Variants in JAKMIP2 observed in about 807,000 individuals in gnomAD.
JAKMIP2 encodes the protein janus kinase and microtubule interacting protein 2.
Under a neutral mutation model 115.0 loss-of-function variants are expected in JAKMIP2, and 25 were observed. The ratio of observed to expected loss-of-function variants is 0.22; its 90% CI spans 0.16 to 0.30. JAKMIP2 has a LOEUF of 0.30. JAKMIP2 is among the 10% of genes least tolerant of loss of function. JAKMIP2 has a pLI of 1.00. For missense variants in JAKMIP2, 642 were observed against 957.6 expected (o/e 0.67, Z 4.35); for synonymous variants, 334 against 343.6 (o/e 0.97, Z 0.31).
Position 147,628,754 on chromosome 5 carries a change from C to G in JAKMIP2, c.1992G>C (p.Glu664Asp). 1 of 1,612,080 alleles carries G rather than the reference C, an allele frequency of 6.2e-7. No individual in the cohort carries two copies. Among genetic ancestry groups the G allele is most frequent in the Non-Finnish European group, 8.5e-7 (1 of 1,178,448 alleles). Residue 664 changes from glutamate to aspartate, a missense_variant, in exon 16 of 22, where the codon GAG (glutamate) becomes GAC (aspartate). By Grantham distance (45) the Glu-to-Asp change is conservative. Transcript: ENST00000616793. ...AAATGTTTGTACGGCTCATTACCTT[C>G]TCTGCCAGGGACAGCACAGTGCTGG... Reference protein sequence around the residue: ...IQASTVLSLAEKWIQQIEGAE... With the variant: ...IQASTVLSLADKWIQQIEGAE...
At chr5:147,658,437 A>G (rs1287002494) in intron 3 of JAKMIP2, among the ~76,000 whole-genome samples, 1 of 152,128 alleles carries the variant, frequency 6.6e-6, no homozygotes, top group Admixed American at 6.5e-5. Context: ...CTCCTGTATG[A>G]GGTGTCTGTT....
chr5:147,592,532 C>T (rs1755148115), intron 21 of JAKMIP2, among the ~76,000 whole-genome samples: 1 of 152,066 alleles, frequency 6.6e-6, no homozygotes, highest in South Asian at 2.1e-4. Flanking sequence ...ATGCTGTCTT[C>T]CAATGAAAGC....
At chr5:147,631,951 T>C (rs566179902) in intron 13 of JAKMIP2, among the ~76,000 whole-genome samples, 1 of 152,296 alleles carries the variant, frequency 6.6e-6, no homozygotes, top group African/African-American at 2.4e-5. Context: ...TAACTTTTTA[T>C]CCAGACCTAA....
intron 20 of JAKMIP2, among the ~76,000 whole-genome samples, chr5:147,603,397 C>A (rs1423418382): frequency 6.6e-6 from 1 of 152,182 alleles, no homozygotes; most frequent in Non-Finnish European, 1.5e-5. Context: ...GTGCTGCACA[C>A]AGCTGAAGCA....
intron 1 of JAKMIP2, among the ~76,000 whole-genome samples, chr5:147,743,996 TTCTTTCCTTCC>T (rs1435110537): frequency 9.5e-6 from 1 of 105,382 alleles, no homozygotes; most frequent in African/African-American, 3.9e-5. Flanking sequence ...CCTTCCTAAC[TTCTTTCCTTCC>T]TTCCTTCCTT....
chr5:147,707,774 T>C (rs17107228), intron 1 of JAKMIP2, among the ~76,000 whole-genome samples: 12,213 of 152,228 alleles, frequency 0.08, 866 homozygotes, highest in East Asian at 0.34. Flanking sequence ...ATGACTGATA[T>C]GCAAATGAGA....
chr5:147,685,350 T>C (rs757547476), intron 1 of JAKMIP2, among the ~76,000 whole-genome samples: 5 of 152,230 alleles, frequency 3.3e-5, no homozygotes, highest in Non-Finnish European at 5.9e-5. Context: ...GTCACCCATG[T>C]GTTTCAAAAT....
chr5:147,655,173 T>C (rs1211634907), intron 3 of JAKMIP2, among the ~76,000 whole-genome samples: 1 of 152,056 alleles, frequency 6.6e-6, no homozygotes, highest in African/African-American at 2.4e-5. Flanking sequence ...TCTTTTTTTG[T>C]TGTCTCTCCT....
Position 147,632,829 on chromosome 5 carries a change from A to G in JAKMIP2, c.1678-51T>C, listed in dbSNP as rs1424503045. Reference sequence around the variant, plus strand: ...GTAAGCATTGAGAAAAGCACCTACAACTTTGCAAAGCATGAATAGTGTTCA... The same window carrying G: ...GTAAGCATTGAGAAAAGCACCTACAGCTTTGCAAAGCATGAATAGTGTTCA... On this transcript the variant is annotated intron_variant, in intron 12 of 21. Coordinates refer to ENST00000616793, the MANE Select transcript of JAKMIP2 (RefSeq NM_001270941.2). 1.7e-5 allele frequency: 20 copies of G among 1,182,244 alleles called. No homozygotes were observed. In the Admixed American group the frequency reaches 2.1e-4, roughly 13 times the overall value. The allele number at this position is 1,182,244 out of a possible 1,614,324, so 73.2% of individuals were successfully genotyped here. A position where few individuals can be genotyped will look rare whatever the true frequency, so the allele number is the denominator to read the frequency against.
At chr5:147,652,706 T>C (rs951261646) in intron 3 of JAKMIP2, among the ~76,000 whole-genome samples, 1 of 152,218 alleles carries the variant, frequency 6.6e-6, no homozygotes, top group African/African-American at 2.4e-5. Context: ...TTAATGTTTA[T>C]TTTACTTTAA....
At chr5:147,745,003 A>C (rs1213585007) in intron 1 of JAKMIP2, among the ~76,000 whole-genome samples, 2 of 150,088 alleles carry the variant, frequency 1.3e-5, no homozygotes, top group Admixed American at 1.3e-4. Flanking sequence ...TGTTGCAGTG[A>C]GCAGAGATCA....
chr5:147,664,127 A>G (rs1759177880), intron 2 of JAKMIP2, among the ~76,000 whole-genome samples: 1 of 152,230 alleles, frequency 6.6e-6, no homozygotes, highest in African/African-American at 2.4e-5. Context: ...AATTGCAGCT[A>G]GCAAGAAATT....
chr5:147,603,337 C>T (rs1263095596), intron 20 of JAKMIP2, among the ~76,000 whole-genome samples: 1 of 152,126 alleles, frequency 6.6e-6, no homozygotes, highest in Non-Finnish European at 1.5e-5. Flanking sequence ...GAAATGATGG[C>T]AGTGGAAGTG....
At chr5:147,626,621 A>G (rs971061854) in intron 16 of JAKMIP2, among the ~76,000 whole-genome samples, 3 of 152,212 alleles carry the variant, frequency 2.0e-5, no homozygotes, top group African/African-American at 7.2e-5. Context: ...GAAAGTGCCT[A>G]TCTCAAAAGG....
Position 147,639,656 on chromosome 5 carries a change from G to A in JAKMIP2, c.1506C>T (p.Ile502=), listed in dbSNP as rs753141914. Residue 502 remains isoleucine (I), a synonymous_variant, in exon 10 of 22, where the codon ATC becomes ATT. Transcript: ENST00000616793. ...CCTTGGCTTCTCGTTCAGCGTCGATGATGCCTCCCGTCTGCTCCTGTAGGA... is the reference window on the plus strand; with the variant it reads ...CCTTGGCTTCTCGTTCAGCGTCGATAATGCCTCCCGTCTGCTCCTGTAGGA... ...YALLQEQTGG[I]IDAEREAKAQ... The A allele has an allele frequency of 3.8e-5, 62 of 1,613,340 alleles. No homozygotes were observed. The highest frequency in any genetic ancestry group is 4.8e-5 in the Non-Finnish European group (57 of 1,179,730).
intron 20 of JAKMIP2, among the ~76,000 whole-genome samples, chr5:147,610,036 T>G (rs1756232773): frequency 6.6e-6 from 1 of 152,196 alleles, no homozygotes; most frequent in African/African-American, 2.4e-5. Context: ...CATCAGGTCC[T>G]TTATGTTCTT....
At chr5:147,654,675 T>C (rs1406869279) in intron 3 of JAKMIP2, among the ~76,000 whole-genome samples, 1 of 152,166 alleles carries the variant, frequency 6.6e-6, no homozygotes, top group Non-Finnish European at 1.5e-5. Flanking sequence ...TAATTTGACT[T>C]CCTCTCTTCC....
Position 147,644,215 on chromosome 5 carries a change from G to A in JAKMIP2, c.1084-17C>T, listed in dbSNP as rs1758017194. 6.4e-7 allele frequency: 1 copy of A among 1,550,586 alleles called. No individual in the cohort carries two copies. The highest frequency in any genetic ancestry group is 1.4e-5 in the African/African-American group (1 of 73,498). ...TTTTTCTCTCTGGATTGGAAAAGAA[G>A]AAAGTACAGGTGGAGACTTTAAAAA... On this transcript the variant is annotated splice_polypyrimidine_tract_variant and intron_variant, in intron 6 of 21. Coordinates refer to ENST00000616793, the MANE Select transcript of JAKMIP2 (RefSeq NM_001270941.2).
chr5:147,671,785 T>C lies in JAKMIP2; in HGVS notation c.22A>G (p.Lys8Glu). 6.3e-7 allele frequency: 1 copy of C among 1,585,470 alleles called. No homozygotes were observed. The highest frequency in any genetic ancestry group is 8.6e-7 in the Non-Finnish European group (1 of 1,165,694). Residue 8 changes from lysine (K) to glutamate (E), a missense_variant, in exon 2 of 22, where the codon AAG (lysine) becomes GAG (glutamate). Lys to Glu is a moderately conservative substitution (Grantham distance 56). Around this residue, in one of 6 missense-constraint regions of JAKMIP2, gnomAD observed 439 missense variants for 570.9 expected, o/e 0.77. Transcript: ENST00000616793. ...ATGAGTGCCTCGGGCTTCTCGCCCTTATTTCGCCCTTTCTTGGACATTGTT... is the reference window on the plus strand; with the variant it reads ...ATGAGTGCCTCGGGCTTCTCGCCCTCATTTCGCCCTTTCTTGGACATTGTT... MSKKGRNKGEKPEALIVA... is the reference protein window; with the variant it reads MSKKGRNEGEKPEALIVA...
Sources: allele counts gnomAD v4.1 joint callset (sites outside exome capture counted in the v4.1 genomes callset), GRCh38; gene constraint gnomAD v4.1.1; regional missense constraint gnomAD v4.1.1; transcripts MANE v1.5; gene names NCBI Gene and HGNC (gene_info 2026-07-23, HGNC 2026-07-21).